ELP4: variants seen among roughly 807,000 people sequenced by gnomAD.
The protein encoded by ELP4 is elongator complex protein 4.
Under a neutral mutation model 48.9 loss-of-function variants are expected in ELP4, and 51 were observed. The observed-to-expected ratio is 1.04, with a 90% CI of 0.83 to 1.32. ELP4 has a LOEUF of 1.32. Ranked by LOEUF, ELP4 falls within the 40% of genes most tolerant of loss-of-function variation. The pLI is 0.00. For missense variants in ELP4, 519 were observed against 514.6 expected (o/e 1.01, Z -0.08); for synonymous variants, 210 against 189.2 (o/e 1.11, Z -0.90).
chr11:31,510,638 A>G (rs1955975087), intron 1 of ELP4: 4 of 351,968 alleles, frequency 1.1e-5, no homozygotes. Flanking sequence ...TTTTTTCTAT[A>G]TACATTTTGC....
Position 31,752,776 on chromosome 11 carries a change from G to T in ELP4, c.1144-30617G>T, listed in dbSNP as rs543217436. On this transcript the variant is annotated intron_variant, in intron 9 of 9. Transcript: ENST00000640961. The stretch of plus-strand genomic sequence containing the variant: ...ATGAACCCGGGGGGCGGAGCTTGCA[G>T]TGAGCTGGGATCGCGCCACTGAACT... 3.2e-4 allele frequency among the ~76,000 whole-genome samples: 49 copies of T among 150,970 alleles called. 1 individual carries two copies. Among genetic ancestry groups the T allele is most frequent in the African/African-American group, 1.1e-3 (44 of 40,992 alleles).
chr11:31,613,086 T>TG (rs1408336340), intron 5 of ELP4, among the ~76,000 whole-genome samples: 7 of 152,182 alleles, frequency 4.6e-5, no homozygotes, highest in Admixed American at 3.9e-4. Flanking sequence ...CTAAGGCTAA[T>TG]GGAAGCTGTA....
At position 31,707,167 on chromosome 11, in the gene ELP4, A is replaced by G; in HGVS notation, c.1143+56946A>G. 3 of 393,020 alleles carry G rather than the reference A, an allele frequency of 7.6e-6. 1 individual carries two copies. The South Asian group carries it at 4.1e-4, about 54-fold the overall frequency. The allele number at this position is 393,020 out of a possible 1,614,324, so 24.3% of individuals were successfully genotyped here. A position where few individuals can be genotyped will look rare whatever the true frequency, so the allele number is the denominator to read the frequency against. ...TTGAGAACCCTTCATACTATTCTTC[A>G]TAGTTGCTGCACGAGTTTATATTCC... is the stretch of plus-strand genomic sequence containing the variant. On this transcript the variant is annotated intron_variant, in intron 9 of 9. Coordinates refer to ENST00000640961, the MANE Select transcript of ELP4 (RefSeq NM_019040.5).
At chr11:31,637,996 G>A (rs901486540) in intron 7 of ELP4, among the ~76,000 whole-genome samples, 1 of 151,652 alleles carries the variant, frequency 6.6e-6, no homozygotes, top group Non-Finnish European at 1.5e-5. Context: ...TATTTTTTAA[G>A]GCACTTTTAC....
At chr11:31,680,380 T>C (rs74355308) in intron 9 of ELP4, among the ~76,000 whole-genome samples, 4,321 of 152,308 alleles carry the variant, frequency 0.028, 207 homozygotes, top group African/African-American at 0.099. Flanking sequence ...ATATTTATGA[T>C]GATATTTCTG....
At chr11:31,564,592 T>C (rs896433533) in intron 3 of ELP4, among the ~76,000 whole-genome samples, 1 of 152,102 alleles carries the variant, frequency 6.6e-6, no homozygotes, top group Non-Finnish European at 1.5e-5. Context: ...AGTGTTCTCA[T>C]TGTTCAATTC....
chr11:31,729,074 T>A (rs1330226819), intron 9 of ELP4, among the ~76,000 whole-genome samples: 1 of 152,188 alleles, frequency 6.6e-6, no homozygotes, highest in East Asian at 1.9e-4. Context: ...CTCTTCCAAA[T>A]TTCAAAGAAA....
At chr11:31,698,055 C>T (rs890223537) in intron 9 of ELP4, among the ~76,000 whole-genome samples, 6 of 152,006 alleles carry the variant, frequency 3.9e-5, no homozygotes, top group African/African-American at 7.2e-5. Context: ...AAGTAAAGTA[C>T]GCCCTGGCAT....
intron 5 of ELP4, among the ~76,000 whole-genome samples, chr11:31,623,530 C>A: frequency 6.7e-6 from 1 of 148,912 alleles, no homozygotes; most frequent in African/African-American, 2.4e-5. Context: ...TTGATAATAC[C>A]TAAATGTATT....
intron 9 of ELP4, among the ~76,000 whole-genome samples, chr11:31,739,831 C>T (rs1021153778): frequency 7.9e-5 from 12 of 152,340 alleles, no homozygotes; most frequent in Admixed American, 3.9e-4. Context: ...ATTTCCATTA[C>T]TGGCATCAAC....
In ELP4 at chr11:31,734,811, G is replaced by A. The variant is rs541920507; in HGVS notation, c.1144-48582G>A. ...ACCCAGAACAATCTACACGTTCAATGCAATCCCTATGGGAAGCCCAGTGGT... is the reference window on the plus strand; with the variant it reads ...ACCCAGAACAATCTACACGTTCAATACAATCCCTATGGGAAGCCCAGTGGT... On this transcript the variant is annotated intron_variant, in intron 9 of 9. Coordinates refer to ENST00000640961, the MANE Select transcript of ELP4 (RefSeq NM_019040.5). Among the ~76,000 whole-genome samples, 3 of 152,266 alleles carry A rather than the reference G, an allele frequency of 2.0e-5. No homozygotes were observed. The South Asian group carries it at 6.2e-4, about 32-fold the overall frequency.
rs143185259 is a variant in ELP4, at chr11:31,787,052, A to T, written c.*3528A>T. On this transcript the variant is annotated 3_prime_UTR_variant, in exon 10 of 10. Transcript: ENST00000640961. ...ATAATAAACAAAAATTATTTCAACA[A>T]TGAGTAAAAGGCCAACTCCCAGGCA... 1 of 228,880 alleles carries T rather than the reference A, an allele frequency of 4.4e-6. No individual in the cohort carries two copies. 14.2% of individuals were successfully genotyped at this position (228,880 alleles called of 1,614,324 possible).
At chr11:31,769,091 A>C (rs1472684729) in intron 9 of ELP4, among the ~76,000 whole-genome samples, 1 of 152,154 alleles carries the variant, frequency 6.6e-6, no homozygotes, top group Non-Finnish European at 1.5e-5. Context: ...AAACACCTAC[A>C]TTTGGCCCCA....
intron 9 of ELP4, among the ~76,000 whole-genome samples, chr11:31,685,689 T>G (rs1408428359): frequency 2.0e-5 from 3 of 152,170 alleles, no homozygotes; most frequent in Admixed American, 6.5e-5. Flanking sequence ...TCCCAGCACT[T>G]TGGGAGGCCA....
chr11:31,650,129 C>A lies in ELP4; in HGVS notation c.1051C>A (p.Arg351=). Residue 351 remains arginine, a synonymous_variant, in exon 9 of 10, where the codon CGG becomes AGG. Coordinates refer to ENST00000640961, the MANE Select transcript of ELP4 (RefSeq NM_019040.5). ...YKDYHGLIHI[R]QIPRLNNLIC... is the part of the protein sequence containing the mutation. ...TTTTCCACAAGGATTGATTCATATA[C>A]GGCAGATTCCTCGGCTTAATAACTT... 6.9e-7 allele frequency: 1 copy of A among 1,450,296 alleles called. No homozygotes were observed. The allele number at this position is 1,450,296 out of a possible 1,614,324, so 89.8% of individuals were successfully genotyped here.
intron 9 of ELP4, among the ~76,000 whole-genome samples, chr11:31,725,158 C>T (rs547626413): frequency 6.6e-6 from 1 of 152,024 alleles, no homozygotes; most frequent in Admixed American, 6.6e-5. Context: ...AATCCAAATG[C>T]TGGCCTTTTC....
chr11:31,782,710 CA>C (rs1193740720), intron 9 of ELP4, among the ~76,000 whole-genome samples: 2 of 152,038 alleles, frequency 1.3e-5, no homozygotes, highest in Non-Finnish European at 2.9e-5. Flanking sequence ...GTGTTCAAAG[CA>C]ACACTATACT....
intron 9 of ELP4, among the ~76,000 whole-genome samples, chr11:31,738,487 A>C (rs532159075): frequency 1.3e-5 from 2 of 152,174 alleles, no homozygotes; most frequent in East Asian, 3.9e-4. Flanking sequence ...TAATCCCAGC[A>C]CACTGCGGGG....
intron 9 of ELP4, chr11:31,719,808 A>T (rs1214763008): frequency 1.3e-5 from 3 of 229,400 alleles, no homozygotes; most frequent in Non-Finnish European, 2.5e-5. Flanking sequence ...GAAATTCACC[A>T]CAAATTAGAG....
Sources: allele counts gnomAD v4.1 joint callset (sites outside exome capture counted in the v4.1 genomes callset), GRCh38; gene constraint gnomAD v4.1.1; transcripts MANE v1.5; gene names NCBI Gene and HGNC (gene_info 2026-07-23, HGNC 2026-07-21).